Variants in CTNND2 observed in about 807,000 individuals in gnomAD.
CTNND2 encodes the protein catenin delta-2.
CTNND2 carries 22 observed loss-of-function variants against 144.4 expected under a neutral mutation model. The ratio of observed to expected loss-of-function variants is 0.15; its 90% CI spans 0.11 to 0.22. The LOEUF is 0.22. Ranked by LOEUF, CTNND2 falls within the 10% of genes least tolerant of loss-of-function variation. The pLI is 1.00. For missense variants in CTNND2, 1,353 were observed against 1,618.8 expected (o/e 0.84, Z 2.82); for synonymous variants, 751 against 695.6 (o/e 1.08, Z -1.25).
chr5:11,418,407 AAAAAC>A, intron 3 of CTNND2, among the ~76,000 whole-genome samples: 1 of 152,298 alleles, frequency 6.6e-6, no homozygotes, highest in African/African-American at 2.4e-5. Flanking sequence ...ACTCCGTCTC[AAAAAC>A]AAAACAAAAC....
At chr5:11,078,741 C>G (rs1224952419) in intron 16 of CTNND2, among the ~76,000 whole-genome samples, 3 of 152,090 alleles carry the variant, frequency 2.0e-5, no homozygotes, top group Admixed American at 6.5e-5. Context: ...TATTGGGAAT[C>G]CCAGTGCTGT....
intron 2 of CTNND2, among the ~76,000 whole-genome samples, chr5:11,727,840 C>T (rs1011705075): frequency 6.6e-6 from 1 of 152,180 alleles, no homozygotes; most frequent in Non-Finnish European, 1.5e-5. Context: ...CCTAACAACA[C>T]ATTGTGTTAT....
intron 18 of CTNND2, among the ~76,000 whole-genome samples, chr5:10,999,212 C>A (rs1739666824): frequency 6.6e-6 from 1 of 152,194 alleles, no homozygotes; most frequent in South Asian, 2.1e-4. Context: ...TTTTTGTTAT[C>A]TAGCCAGCTA....
At chr5:11,094,945 T>A (rs1173385826) in intron 15 of CTNND2, among the ~76,000 whole-genome samples, 1 of 152,186 alleles carries the variant, frequency 6.6e-6, no homozygotes, top group Admixed American at 6.5e-5. Context: ...ACCAAAGAAA[T>A]GCGCTCTGGA....
At chr5:11,654,374 A>C (rs958903739) in intron 2 of CTNND2, among the ~76,000 whole-genome samples, 4 of 152,126 alleles carry the variant, frequency 2.6e-5, no homozygotes, top group Non-Finnish European at 5.9e-5. Context: ...AGCATGGGTT[A>C]TCTCTCAATT....
chr5:11,880,959 C>T lies in CTNND2; in HGVS notation c.37+22858G>A, dbSNP rs567605633. 4.7e-3 allele frequency among the ~76,000 whole-genome samples: 672 copies of T among 143,298 alleles called. 3 individuals are homozygous for T. Among genetic ancestry groups the T allele is most frequent in the Middle Eastern group, 0.02 (5 of 248 alleles). The allele number at this position is 143,298 out of a possible 152,430, so 94.0% of individuals were successfully genotyped here. ...CTGCTACTAATACTACTACTACTACCACTACTACTACTACCACTACCACTA... is the reference window on the plus strand; with the variant it reads ...CTGCTACTAATACTACTACTACTACTACTACTACTACTACCACTACCACTA... On this transcript the variant is annotated intron_variant, in intron 1 of 21. Transcript: ENST00000304623.
At chr5:11,762,565 C>G (rs1384367981) in intron 1 of CTNND2, among the ~76,000 whole-genome samples, 1 of 152,190 alleles carries the variant, frequency 6.6e-6, no homozygotes, top group East Asian at 1.9e-4. Flanking sequence ...ATTACAATTT[C>G]CAAATGAAAG....
chr5:11,812,056 C>T (rs1325191644), intron 1 of CTNND2, among the ~76,000 whole-genome samples: 1 of 152,218 alleles, frequency 6.6e-6, no homozygotes, highest in African/African-American at 2.4e-5. Context: ...TATTAACTTT[C>T]TACCAAATGG....
intron 2 of CTNND2, among the ~76,000 whole-genome samples, chr5:11,719,874 A>C (rs10066242): frequency 2.1e-5 from 3 of 140,792 alleles, no homozygotes; most frequent in African/African-American, 8.8e-5. Flanking sequence ...ACACACACAC[A>C]CACCACAGAT....
intron 3 of CTNND2, among the ~76,000 whole-genome samples, chr5:11,480,957 GCTCCTATATACA>G (rs1768200320): frequency 6.6e-6 from 1 of 152,066 alleles, no homozygotes; most frequent in Non-Finnish European, 1.5e-5. Context: ...GGGGAAATGG[GCTCCTATATACA>G]CTCATCGAAG....
chr5:11,110,905 A>T lies in CTNND2; in HGVS notation c.2416T>A (p.Ser806Thr). 1 of 1,614,004 alleles carries T rather than the reference A, an allele frequency of 6.2e-7. No individual in the cohort carries two copies. The change falls in exon 14 of 22, where the codon TCT becomes ACT. Residue 806 changes from serine (S) to threonine (T), a missense_variant. By Grantham distance (58) the Ser-to-Thr change is moderately conservative. This residue lies in a region of CTNND2 where 459 missense variants were observed against 674.3 expected (regional missense o/e 0.68). Transcript: ENST00000304623. ...TTCTTCTTCTTGCCCCAGCACCCAG[A>T]GCTCTCAGCATCCTTGCCATTGGCC... is the stretch of plus-strand genomic sequence containing the variant. ...GEANGKDAES[S>T]GCWGKKKKKK...
intron 9 of CTNND2, among the ~76,000 whole-genome samples, chr5:11,335,499 A>G (rs958295444): frequency 2.6e-5 from 4 of 152,228 alleles, no homozygotes; most frequent in Admixed American, 6.5e-5. Flanking sequence ...AGGAGATTTC[A>G]GAATTCCACT....
intron 11 of CTNND2, among the ~76,000 whole-genome samples, chr5:11,162,918 G>GAC (rs58027818): frequency 0.51 from 71,876 of 141,454 alleles, 17,925 homozygotes; most frequent in Admixed American, 0.58. Flanking sequence ...CACACATACA[G>GAC]ACACACACAC....
intron 9 of CTNND2, among the ~76,000 whole-genome samples, chr5:11,240,386 T>TACACTCAAACACACACCCAACA (rs1742172380): frequency 1.1e-5 from 1 of 93,808 alleles, no homozygotes; most frequent in Non-Finnish European, 2.0e-5. Context: ...ACACATACAC[T>TACACTCAAACACACACCCAACA]CACACACCCA....
intron 9 of CTNND2, among the ~76,000 whole-genome samples, chr5:11,246,012 C>T (rs968737433): frequency 2.4e-4 from 37 of 152,316 alleles, no homozygotes; most frequent in African/African-American, 8.9e-4. Flanking sequence ...CACCTCTTGC[C>T]ATGTTCCTGC....
At chr5:11,026,671 G>A (rs907887004) in intron 16 of CTNND2, among the ~76,000 whole-genome samples, 12 of 152,010 alleles carry the variant, frequency 7.9e-5, no homozygotes, top group Admixed American at 5.3e-4. Flanking sequence ...CTACCTTCTA[G>A]ATTTAATTTG....
At chr5:11,582,570 T>A (rs1229638575) in intron 2 of CTNND2, among the ~76,000 whole-genome samples, 1 of 152,222 alleles carries the variant, frequency 6.6e-6, no homozygotes, top group African/African-American at 2.4e-5. Context: ...ATATTCACCT[T>A]GTAACTTAAA....
intron 21 of CTNND2, among the ~76,000 whole-genome samples, chr5:10,981,450 G>A (rs1737231089): frequency 6.6e-6 from 1 of 152,156 alleles, no homozygotes; most frequent in South Asian, 2.1e-4. Context: ...GACAATTCCT[G>A]TTTAGTGACA....
At chr5:11,487,627 C>T (rs1187642859) in intron 3 of CTNND2, among the ~76,000 whole-genome samples, 1 of 152,046 alleles carries the variant, frequency 6.6e-6, no homozygotes, top group East Asian at 1.9e-4. Flanking sequence ...TAAATGCAGA[C>T]ACCATTAAAA....
Sources: gnomAD v4.1 joint callset for allele counts (sites outside exome capture counted in the v4.1 genomes callset) on GRCh38, gnomAD v4.1.1 for gene constraint, gnomAD v4.1.1 regional missense constraint, MANE v1.5 for transcripts, NCBI Gene and HGNC (gene_info 2026-07-23, HGNC 2026-07-21) for gene names.